CNN3: variants seen among roughly 807,000 people sequenced by gnomAD.
CNN3 encodes the protein calponin-3.
In CNN3, 11 loss-of-function variants were observed where a neutral mutation model predicts 39.0. The observed-to-expected ratio is 0.28, with a 90% confidence interval of 0.18 to 0.47. The LOEUF is 0.47. Among genes scored for constraint, CNN3 ranks in the 20% least tolerant of loss-of-function variants. The probability of loss-of-function intolerance (pLI) is 0.99; values close to 1 mark genes in which losing one functional copy is unlikely to be tolerated. For synonymous variants in CNN3, 101 were observed against 138.3 expected (o/e 0.73, Z 1.89); for missense variants, 266 against 403.4 (o/e 0.66, Z 2.92).
intron 1 of CNN3, among the ~76,000 whole-genome samples, chr1:94,907,983 C>T (rs1671054004): frequency 6.6e-6 from 1 of 152,248 alleles, no homozygotes; most frequent in Non-Finnish European, 1.5e-5. Flanking sequence ...AGACTTTCTG[C>T]CTGGCTCTTT....
At chr1:94,921,373 C>A (rs1345312762) in intron 1 of CNN3, among the ~76,000 whole-genome samples, 1 of 151,958 alleles carries the variant, frequency 6.6e-6, no homozygotes, top group Admixed American at 6.6e-5. Context: ...CCAGCCTGGG[C>A]AACAGAGGGA....
At chr1:94,905,346 A>G (rs1670967889) in intron 1 of CNN3, among the ~76,000 whole-genome samples, 3 of 152,216 alleles carry the variant, frequency 2.0e-5, no homozygotes, top group African/African-American at 4.8e-5. Flanking sequence ...GGAAATGTCT[A>G]CATTCCAGGT....
At chr1:94,922,262 G>C (rs1189531336) in intron 1 of CNN3, among the ~76,000 whole-genome samples, 1 of 152,086 alleles carries the variant, frequency 6.6e-6, no homozygotes, top group Non-Finnish European at 1.5e-5. Flanking sequence ...ATATTTTTTA[G>C]AATATTTTCT....
At chr1:94,907,777 G>A (rs960412227) in intron 1 of CNN3, among the ~76,000 whole-genome samples, 3 of 152,200 alleles carry the variant, frequency 2.0e-5, no homozygotes, top group African/African-American at 4.8e-5. Flanking sequence ...GGAGAATGGT[G>A]TGAACCCGGG....
chr1:94,916,126 G>A (rs1432956814), intron 1 of CNN3, among the ~76,000 whole-genome samples: 1 of 152,134 alleles, frequency 6.6e-6, no homozygotes, highest in African/African-American at 2.4e-5. Context: ...TTCATGCCAA[G>A]CCTGCCCATT....
intron 5 of CNN3, among the ~76,000 whole-genome samples, chr1:94,899,840 G>A (rs1474048467): frequency 6.6e-6 from 1 of 152,166 alleles, no homozygotes; most frequent in African/African-American, 2.4e-5. Context: ...AAATTAAGAG[G>A]TACCAGCTTC....
In CNN3 at chr1:94,904,884, T is replaced by A. The variant is rs368140182; in HGVS notation, c.58-1360A>T. On this transcript the variant is annotated intron_variant, in intron 1 of 6. Coordinates refer to ENST00000370206, the MANE Select transcript of CNN3 (RefSeq NM_001839.5). ...GAGATAGAGATCATGAGCTTGGGAA[T>A]CAATTACATCATTGGAAATGGGAAT... is the stretch of plus-strand genomic sequence containing the variant. 7.9e-5 allele frequency among the ~76,000 whole-genome samples: 12 copies of A among 152,300 alleles called. 2 individuals carry two copies. The highest frequency in any genetic ancestry group is 2.9e-4 in the African/African-American group (12 of 41,558).
chr1:94,912,341 A>C (rs1671185893), intron 1 of CNN3, among the ~76,000 whole-genome samples: 1 of 152,240 alleles, frequency 6.6e-6, no homozygotes. Context: ...AGTGGGTATC[A>C]AGCAGCTCAC....
chr1:94,897,607 C>G lies in CNN3; in HGVS notation c.*135G>C. ...GGCAGAAAAAGGAAAAAGGAATGTA[C>G]GTAAGGCAATTTTTCTTAAAAGTAC... On this transcript the variant is annotated 3_prime_UTR_variant, in exon 7 of 7. Transcript: ENST00000370206. 1.3e-6 allele frequency: 1 copy of G among 769,980 alleles called. No individual in the cohort carries two copies. The highest frequency in any genetic ancestry group is 2.1e-6 in the Non-Finnish European group (1 of 486,516). The allele number at this position is 769,980 out of a possible 1,614,324, so 47.7% of individuals were successfully genotyped here. A position where few individuals can be genotyped will look rare whatever the true frequency, so the allele number is the denominator to read the frequency against.
At chr1:94,923,502 C>CT (rs34777919) in intron 1 of CNN3, among the ~76,000 whole-genome samples, 26,014 of 143,928 alleles carry the variant, frequency 0.18, 2,670 homozygotes, top group Non-Finnish European at 0.25. Context: ...AATTCTTAGG[C>CT]TTTTTTTTTT....
chr1:94,900,934 T>G (rs1353654127), intron 5 of CNN3, among the ~76,000 whole-genome samples: 1 of 152,160 alleles, frequency 6.6e-6, no homozygotes, highest in Non-Finnish European at 1.5e-5. Context: ...TAAAGTACAT[T>G]TCTGGCTGGG....
intron 1 of CNN3, among the ~76,000 whole-genome samples, chr1:94,919,022 C>G (rs908027262): frequency 1.3e-5 from 2 of 151,946 alleles, no homozygotes; most frequent in Non-Finnish European, 2.9e-5. Flanking sequence ...TGATGTAAGA[C>G]CAACTGCAGG....
intron 1 of CNN3, among the ~76,000 whole-genome samples, chr1:94,918,765 G>A (rs1443604169): frequency 6.6e-6 from 1 of 151,444 alleles, no homozygotes; most frequent in Non-Finnish European, 1.5e-5. Flanking sequence ...ATGGTGGTGC[G>A]CGACTGTAAT....
At chr1:94,908,885 C>G (rs1367962270) in intron 1 of CNN3, among the ~76,000 whole-genome samples, 1 of 151,680 alleles carries the variant, frequency 6.6e-6, no homozygotes, top group Admixed American at 6.6e-5. Context: ...TGGCTCAGGC[C>G]TGTAATCCTG....
rs1205532555 is a variant in CNN3, at chr1:94,926,602, A to G, written c.57+236T>C. ...TCCAGGCGCCCGGGAACCCACCGCC[A>G]GCCACTAGTCCTGTCCCACGGCGCG... On this transcript the variant is annotated intron_variant, in intron 1 of 6. Coordinates refer to ENST00000370206, the MANE Select transcript of CNN3 (RefSeq NM_001839.5). This position sits in a 1 kb window ranked among gnomAD's most constrained non-coding sequence, Gnocchi z 4.2. Among the ~76,000 whole-genome samples, 3 of 151,930 alleles carry G rather than the reference A, an allele frequency of 2.0e-5. No individual in the cohort carries two copies. Among genetic ancestry groups the G allele is most frequent in the Non-Finnish European group, 4.4e-5 (3 of 67,956 alleles).
intron 3 of CNN3, 59 bp downstream of exon 3, chr1:94,903,063 A>C: frequency 7.7e-7 from 1 of 1,301,424 alleles, no homozygotes; most frequent in South Asian, 1.8e-5. Flanking sequence ...CCTGAAATCA[A>C]GTTTTCACTA....
At chr1:94,903,368 A>G (rs1363941241) in intron 2 of CNN3, 35 bp downstream of exon 2, 2 of 1,555,778 alleles carry the variant, frequency 1.3e-6, no homozygotes, top group Non-Finnish European at 1.7e-6. Flanking sequence ...AAGAACTGGA[A>G]GAGCAGAAAC....
At chr1:94,920,391 T>C (rs1207274964) in intron 1 of CNN3, among the ~76,000 whole-genome samples, 2 of 152,140 alleles carry the variant, frequency 1.3e-5, no homozygotes, top group African/African-American at 4.8e-5. Flanking sequence ...TGAATGAATA[T>C]TAAAGTTCTA....
chr1:94,926,899 G>A lies in CNN3; in HGVS notation c.-5C>T. On this transcript the variant is annotated 5_prime_UTR_variant, in exon 1 of 7. Coordinates refer to ENST00000370206, the MANE Select transcript of CNN3 (RefSeq NM_001839.5). The surrounding 1 kb of genome is among the most constrained non-coding windows in gnomAD (Gnocchi z 4.2). The stretch of plus-strand genomic sequence containing the variant: ...GCCCTTGTTGAAGTGGGTCATGGTG[G>A]TTCGGGCGGCGGGAAGAGACAGCGC... The A allele has an allele frequency of 6.2e-7, 1 of 1,607,632 alleles. No individual in the cohort carries two copies.
Sources: gnomAD v4.1 joint callset for allele counts (sites outside exome capture counted in the v4.1 genomes callset) on GRCh38, gnomAD v4.1.1 for gene constraint, Gnocchi (gnomAD v3.1) non-coding constraint, MANE v1.5 for transcripts, NCBI Gene and HGNC (gene_info 2026-07-23, HGNC 2026-07-21) for gene names.